Variants in WDR12 observed in about 807,000 individuals in gnomAD.
WDR12 encodes the protein WD repeat domain 12, also known as ribosome biogenesis protein WDR12.
Under a neutral mutation model 64.3 loss-of-function variants are expected in WDR12, and 42 were observed. That is an observed-to-expected ratio of 0.65 (90% CI 0.51 to 0.84). The LOEUF is 0.84. Among genes scored for constraint, WDR12 ranks in the 40% least tolerant of loss-of-function variants. The pLI, the probability that WDR12 is intolerant of heterozygous loss-of-function variation, is 0.00. For synonymous variants in WDR12, 158 were observed against 173.3 expected (o/e 0.91, Z 0.70); for missense variants, 469 against 494.6 (o/e 0.95, Z 0.49).
chr2:202,911,340 T>C, intron 1 of WDR12, 96 bp downstream of exon 1: 2 of 1,202,184 alleles, frequency 1.7e-6, no homozygotes, highest in Non-Finnish European at 2.5e-6. Flanking sequence ...AGGGTGGGGG[T>C]GACAGCAGAA....
At chr2:202,881,643 T>C (rs1168827640) in intron 12 of WDR12, among the ~76,000 whole-genome samples, 1 of 151,978 alleles carries the variant, frequency 6.6e-6, no homozygotes, top group Non-Finnish European at 1.5e-5. Context: ...TTGCCAGATA[T>C]GGTGGCACCC....
Position 202,877,819 on chromosome 2 carries a change from C to A in WDR12, c.*3041G>T, listed in dbSNP as rs1687889135. The A allele has an allele frequency of 6.6e-6, 1 of 152,260 alleles. No homozygotes were observed. Among genetic ancestry groups the A allele is most frequent in the African/African-American group, 2.4e-5 (1 of 41,458 alleles). 9.4% of individuals were successfully genotyped at this position (152,260 alleles called of 1,614,324 possible). ...TAGCTTTTCCCCAACCACGGGAAAG[C>A]AGCACCACTCATTTATCCAAGTGAT... On this transcript the variant is annotated 3_prime_UTR_variant, in exon 13 of 13. Transcript: ENST00000261015.
intron 1 of WDR12, among the ~76,000 whole-genome samples, chr2:202,908,607 CAAAGGCT>C (rs1688505160): frequency 6.6e-6 from 1 of 152,188 alleles, no homozygotes; most frequent in Non-Finnish European, 1.5e-5. Context: ...CCAAAGTGAC[CAAAGGCT>C]AAAGAGATAC....
At chr2:202,884,020 C>T in intron 10 of WDR12, 178 bp downstream of exon 10, 1 of 671,128 alleles carries the variant, frequency 1.5e-6, no homozygotes, top group South Asian at 2.0e-5. Context: ...TCTATGTTGG[C>T]CAGGCTGATC....
chr2:202,894,552 A>T, intron 7 of WDR12, 29 bp downstream of exon 7: 1 of 1,576,084 alleles, frequency 6.3e-7, no homozygotes, highest in Non-Finnish European at 8.6e-7. Flanking sequence ...AACATTATTA[A>T]GTCAAGGTAA....
chr2:202,902,876 A>T (rs1245377032), intron 2 of WDR12, among the ~76,000 whole-genome samples: 2 of 152,172 alleles, frequency 1.3e-5, no homozygotes, highest in Admixed American at 6.5e-5. Context: ...AGAGTTCAAG[A>T]CCAGCCTGAC....
rs1399108100 is a variant in WDR12 at position 202,875,113 on chromosome 2, C to G, written c.*5747G>C. On this transcript the variant is annotated 3_prime_UTR_variant, in exon 13 of 13. Transcript: ENST00000261015. ...CATTAATTGGTTACATACCTTCACA[C>G]TAGGTACTTAACCTGTCTGCATTGT... The G allele has an allele frequency of 6.6e-6, 1 of 152,192 alleles. No individual in the cohort carries two copies. Among genetic ancestry groups the G allele is most frequent in the Non-Finnish European group, 1.5e-5 (1 of 68,038 alleles). The allele number at this position is 152,192 out of a possible 1,614,324, so 9.4% of individuals were successfully genotyped here.
intron 8 of WDR12, among the ~76,000 whole-genome samples, chr2:202,887,190 A>C (rs1310719778): frequency 6.6e-6 from 1 of 152,036 alleles, no homozygotes; most frequent in Non-Finnish European, 1.5e-5. Context: ...CGCCTGGCTA[A>C]CTTTTCGCAT....
chr2:202,892,002 T>C (rs187318206), intron 8 of WDR12, among the ~76,000 whole-genome samples: 186 of 152,294 alleles, frequency 1.2e-3, no homozygotes, highest in African/African-American at 4.3e-3. Flanking sequence ...GCATGGGTGG[T>C]GATGGATGTG....
chr2:202,899,918 G>A (rs1483446805), intron 3 of WDR12, among the ~76,000 whole-genome samples: 1 of 152,102 alleles, frequency 6.6e-6, no homozygotes, highest in Non-Finnish European at 1.5e-5. Context: ...TTCAGCCTAG[G>A]AGTTCAAGTC....
intron 1 of WDR12, among the ~76,000 whole-genome samples, chr2:202,908,586 C>T (rs1369919379): frequency 3.9e-5 from 6 of 152,232 alleles, no homozygotes; most frequent in Non-Finnish European, 7.3e-5. Flanking sequence ...TCCAGAAAAT[C>T]TGACTTTGCT....
chr2:202,909,166 C>T, intron 1 of WDR12, among the ~76,000 whole-genome samples: 1 of 152,156 alleles, frequency 6.6e-6, no homozygotes, highest in East Asian at 1.9e-4. Context: ...TTACATCTGA[C>T]CCAAAAACTC....
chr2:202,875,655 T>C lies in WDR12; in HGVS notation c.*5205A>G, dbSNP rs1687846221. ...TGCCCACCTCAGCCTCCCAAAATGT[T>C]GGGATTACAGGCGTTAGCCACGGCG... On this transcript the variant is annotated 3_prime_UTR_variant, in exon 13 of 13. Coordinates refer to ENST00000261015, the MANE Select transcript of WDR12 (RefSeq NM_018256.4). 1 of 152,248 alleles carries C rather than the reference T, an allele frequency of 6.6e-6. No homozygotes were observed. The highest frequency in any genetic ancestry group is 1.5e-5 in the Non-Finnish European group (1 of 68,058). The allele number at this position is 152,248 out of a possible 1,614,324, so 9.4% of individuals were successfully genotyped here.
intron 2 of WDR12, among the ~76,000 whole-genome samples, chr2:202,905,649 G>A (rs1040972530): frequency 6.6e-6 from 1 of 152,088 alleles, no homozygotes; most frequent in Admixed American, 6.5e-5. Context: ...AGAGAAATCA[G>A]GAAATCAATA....
intron 4 of WDR12, among the ~76,000 whole-genome samples, chr2:202,898,944 TAAAA>T (rs532820834): frequency 1.1e-5 from 1 of 94,962 alleles, no homozygotes. Context: ...AGACCCCGTT[TAAAA>T]AAAAAAAAAA....
Position 202,876,854 on chromosome 2 carries a change from C to A in WDR12, c.*4006G>T, listed in dbSNP as rs1319666457. ...GATGAGGTGGGAGGATCCCTTGAGTCCGGGAGTTAGAGGCTGCAGTGAGCT... is the reference window on the plus strand; with the variant it reads ...GATGAGGTGGGAGGATCCCTTGAGTACGGGAGTTAGAGGCTGCAGTGAGCT... On this transcript the variant is annotated 3_prime_UTR_variant, in exon 13 of 13. Coordinates refer to ENST00000261015, the MANE Select transcript of WDR12 (RefSeq NM_018256.4). 1 of 152,624 alleles carries A rather than the reference C, an allele frequency of 6.6e-6. No individual in the cohort carries two copies. Among genetic ancestry groups the A allele is most frequent in the South Asian group, 1.9e-4 (1 of 5,196 alleles). 9.5% of individuals were successfully genotyped at this position (152,624 alleles called of 1,614,324 possible). A position where few individuals can be genotyped will look rare whatever the true frequency, so the allele number is the denominator to read the frequency against.
In WDR12 at chr2:202,901,131, A is replaced by T; in HGVS notation, c.137-12T>A. ...ATGTTTGTGGAACTCTGAGGAAAAT[A>T]CATAACAAAATTATCACTCTTAGTG... On this transcript the variant is annotated splice_polypyrimidine_tract_variant and intron_variant, in intron 2 of 12. Coordinates refer to ENST00000261015, the MANE Select transcript of WDR12 (RefSeq NM_018256.4). 6.3e-7 allele frequency: 1 copy of T among 1,580,344 alleles called. No homozygotes were observed. Among genetic ancestry groups the T allele is most frequent in the African/African-American group, 1.3e-5 (1 of 74,730 alleles).
chr2:202,910,839 G>C (rs1330353081), intron 1 of WDR12, among the ~76,000 whole-genome samples: 1 of 152,084 alleles, frequency 6.6e-6, no homozygotes, highest in Non-Finnish European at 1.5e-5. Flanking sequence ...GCTAACTTTA[G>C]CTTATTAACA....
rs1157161126 is a variant in WDR12, at chr2:202,896,178, T to C, written c.496A>G (p.Thr166Ala). The change falls in exon 6 of 13, where the codon ACT (threonine) becomes GCT (alanine). Residue 166 changes from threonine (T) to alanine (A), a missense_variant. Thr to Ala is a moderately conservative substitution (Grantham distance 58, BLOSUM62 0). Coordinates refer to ENST00000261015, the MANE Select transcript of WDR12 (RefSeq NM_018256.4). ...ACATTCCACTCCCATAAGAGAATAG[T>C]CTGATCCATAGAAGCACTCAATAAT... is the stretch of plus-strand genomic sequence containing the variant. ...CLLLSASMDQTILLWEWNVER... is the reference protein window; with the variant it reads ...CLLLSASMDQAILLWEWNVER... 1.2e-6 allele frequency: 2 copies of C among 1,613,946 alleles called. No homozygotes were observed. Among genetic ancestry groups the C allele is most frequent in the Non-Finnish European group, 1.7e-6 (2 of 1,180,008 alleles).
Sources: allele counts gnomAD v4.1 joint callset (sites outside exome capture counted in the v4.1 genomes callset), GRCh38; gene constraint gnomAD v4.1.1; transcripts MANE v1.5; gene names NCBI Gene and HGNC (gene_info 2026-07-23, HGNC 2026-07-21).